Variants in PAPPA observed in about 807,000 individuals in gnomAD.
The protein encoded by PAPPA is pappalysin 1.
A neutral mutation model predicts 164.0 loss-of-function variants in PAPPA; 60 were observed. The observed-to-expected ratio is 0.37, with a 90% CI of 0.30 to 0.45. The LOEUF is 0.45. Ranked by LOEUF, PAPPA falls within the 20% of genes least tolerant of loss-of-function variation. The pLI, the probability that PAPPA is intolerant of heterozygous loss-of-function variation, is 1.00. For missense variants in PAPPA, 1,782 were observed against 2,087.3 expected (o/e 0.85, Z 2.85); for synonymous variants, 875 against 814.1 (o/e 1.07, Z -1.27).
intron 20 of PAPPA, among the ~76,000 whole-genome samples, chr9:116,381,261 A>G (rs547224361): frequency 1.3e-5 from 2 of 152,318 alleles, no homozygotes; most frequent in East Asian, 3.9e-4. Flanking sequence ...AGGTTTTCTC[A>G]ATCCCTGCCA....
At chr9:116,325,391 G>A (rs1845908255) in intron 10 of PAPPA, among the ~76,000 whole-genome samples, 1 of 152,128 alleles carries the variant, frequency 6.6e-6, no homozygotes, top group Non-Finnish European at 1.5e-5. Context: ...GTCATTCCGT[G>A]CAACCATTCA....
intron 10 of PAPPA, among the ~76,000 whole-genome samples, chr9:116,322,438 T>C (rs1370368638): frequency 7.0e-6 from 1 of 143,786 alleles, no homozygotes; most frequent in Non-Finnish European, 1.5e-5. Flanking sequence ...AAAAAAGAGC[T>C]GGTGCCCTCT....
chr9:116,307,412 C>T (rs186537936), intron 10 of PAPPA, among the ~76,000 whole-genome samples: 2 of 152,024 alleles, frequency 1.3e-5, no homozygotes, highest in East Asian at 3.9e-4. Flanking sequence ...CCAGCCTGAC[C>T]AACATGGTGA....
chr9:116,156,296 A>G (rs1843601302), intron 1 of PAPPA, among the ~76,000 whole-genome samples: 2 of 144,704 alleles, frequency 1.4e-5, no homozygotes, highest in East Asian at 4.0e-4. Context: ...GTGTATATAT[A>G]TATATACATG....
chr9:116,191,178 T>G (rs3789281), intron 2 of PAPPA, among the ~76,000 whole-genome samples: 85,666 of 151,974 alleles, frequency 0.56, 24,824 homozygotes, highest in Non-Finnish European at 0.62. Context: ...GCCATGGCTG[T>G]GACTACAGTG....
chr9:116,277,709 ACT>A (rs1310186570), intron 9 of PAPPA, among the ~76,000 whole-genome samples: 2 of 152,060 alleles, frequency 1.3e-5, no homozygotes, highest in African/African-American at 2.4e-5. Flanking sequence ...ACAGAATCTC[ACT>A]CTGTCACCCA....
At chr9:116,372,291 A>C (rs1054935476) in intron 19 of PAPPA, among the ~76,000 whole-genome samples, 3 of 152,234 alleles carry the variant, frequency 2.0e-5, no homozygotes, top group African/African-American at 7.2e-5. Flanking sequence ...GCATTAGCCA[A>C]GTGCAGCAAT....
chr9:116,314,609 C>T (rs1036750298), intron 10 of PAPPA, among the ~76,000 whole-genome samples: 1 of 152,186 alleles, frequency 6.6e-6, no homozygotes, highest in Non-Finnish European at 1.5e-5. Context: ...GCAGACAAGG[C>T]CATGCACAAT....
intron 21 of PAPPA, among the ~76,000 whole-genome samples, chr9:116,393,678 G>A (rs1233842123): frequency 6.6e-6 from 1 of 152,092 alleles, no homozygotes; most frequent in African/African-American, 2.4e-5. Flanking sequence ...TAATATCTTT[G>A]GTCAGACTAC....
chr9:116,392,425 G>T (rs147054913), intron 21 of PAPPA, among the ~76,000 whole-genome samples: 184 of 152,280 alleles, frequency 1.2e-3, no homozygotes, highest in Non-Finnish European at 2.0e-3. Flanking sequence ...GCAAGATGGG[G>T]AGCTAATAAT....
intron 7 of PAPPA, among the ~76,000 whole-genome samples, chr9:116,243,721 T>A (rs182674203): frequency 1.9e-4 from 29 of 151,266 alleles, no homozygotes; most frequent in African/African-American, 7.1e-4. Context: ...GAAAGCAAAA[T>A]TTTTTTATTG....
At chr9:116,254,598 C>T (rs1165639344) in intron 7 of PAPPA, among the ~76,000 whole-genome samples, 6 of 151,768 alleles carry the variant, frequency 4.0e-5, no homozygotes, top group Non-Finnish European at 7.4e-5. Flanking sequence ...CCGGCTAATA[C>T]GGTGAAACCC....
intron 9 of PAPPA, among the ~76,000 whole-genome samples, chr9:116,284,135 C>T (rs1478775157): frequency 6.6e-6 from 1 of 152,176 alleles, no homozygotes; most frequent in African/African-American, 2.4e-5. Flanking sequence ...CAGTTCCTGT[C>T]TTCCAGAAAG....
chr9:116,248,794 C>T (rs1408284495), intron 7 of PAPPA, among the ~76,000 whole-genome samples: 3 of 152,156 alleles, frequency 2.0e-5, no homozygotes, highest in Admixed American at 6.5e-5. Flanking sequence ...TAAATGCATG[C>T]ATGCATGAAT....
At chr9:116,205,107 G>A (rs1844217095) in intron 2 of PAPPA, among the ~76,000 whole-genome samples, 1 of 151,164 alleles carries the variant, frequency 6.6e-6, no homozygotes, top group Admixed American at 6.6e-5. Context: ...GGTTCCCCTA[G>A]GAGAGGTGGG....
At chr9:116,179,577 C>T (rs897554768) in intron 1 of PAPPA, among the ~76,000 whole-genome samples, 8 of 152,262 alleles carry the variant, frequency 5.3e-5, no homozygotes, top group African/African-American at 1.9e-4. Context: ...TCTTTTGACC[C>T]GGGGTGGACC....
At chr9:116,249,964 T>C (rs888207382) in intron 7 of PAPPA, among the ~76,000 whole-genome samples, 1 of 152,114 alleles carries the variant, frequency 6.6e-6, no homozygotes, top group Non-Finnish European at 1.5e-5. Context: ...TATGCATGTT[T>C]GTATGCATGT....
chr9:116,289,410 CA>C (rs1487343741), intron 9 of PAPPA, among the ~76,000 whole-genome samples: 2 of 139,934 alleles, frequency 1.4e-5, no homozygotes, highest in African/African-American at 2.7e-5. Flanking sequence ...ATATATATAG[CA>C]TATATATAGC....
At chr9:116,204,597 G>A (rs966479119) in intron 2 of PAPPA, among the ~76,000 whole-genome samples, 1 of 151,808 alleles carries the variant, frequency 6.6e-6, no homozygotes, top group African/African-American at 2.4e-5. Flanking sequence ...TGAATTTTTT[G>A]TAAAGATGGG....
Sources: gnomAD v4.1 joint callset for allele counts (sites outside exome capture counted in the v4.1 genomes callset) on GRCh38, gnomAD v4.1.1 for gene constraint, MANE v1.5 for transcripts, NCBI Gene and HGNC (gene_info 2026-07-23, HGNC 2026-07-21) for gene names.